The following SHLD2 variants were observed in gnomAD, a reference collection of about 807,000 sequenced individuals.
SHLD2 encodes the protein RINN1-REV7-interacting novel NHEJ regulator 2.
A neutral mutation model predicts 73.2 loss-of-function variants in SHLD2; 30 were observed. The ratio of observed to expected loss-of-function variants is 0.41; its 90% CI spans 0.31 to 0.56. SHLD2 has a LOEUF of 0.56. SHLD2 is among the 20% of genes least tolerant of loss of function. The pLI, the probability that SHLD2 is intolerant of heterozygous loss-of-function variation, is 0.28. For missense variants in SHLD2, 745 were observed against 1,055.9 expected, an observed-to-expected ratio of 0.71 and a Z score of 4.08; for synonymous variants, 285 against 370.1, an observed-to-expected ratio of 0.77 and a Z score of 2.64.
intron 8 of SHLD2, among the ~76,000 whole-genome samples, chr10:87,184,618 C>T (rs1277437623): frequency 6.6e-6 from 1 of 152,288 alleles, no homozygotes; most frequent in South Asian, 2.1e-4. Flanking sequence ...CTTCACCCAT[C>T]AGTCGTCTCC....
intron 2 of SHLD2, among the ~76,000 whole-genome samples, chr10:87,141,115 CAAAA>C (rs879420790): frequency 7.1e-6 from 1 of 140,300 alleles, no homozygotes; most frequent in Non-Finnish European, 1.5e-5. Context: ...CCCTGTCTCT[CAAAA>C]AAAAAAATTT....
intron 2 of SHLD2, among the ~76,000 whole-genome samples, chr10:87,141,549 C>CA (rs1041064953): frequency 2.0e-5 from 3 of 152,052 alleles, no homozygotes; most frequent in Non-Finnish European, 4.4e-5. Flanking sequence ...AGGCTGGTCT[C>CA]AAACTCCTGA....
rs938136906 is a variant in SHLD2 at position 87,107,470 on chromosome 10, G to C, written c.-6+10481G>C. 2.0e-5 allele frequency among the ~76,000 whole-genome samples: 3 copies of C among 152,256 alleles called. No homozygotes were observed. In the East Asian group the frequency reaches 5.8e-4, roughly 29 times the overall value. On this transcript the variant is annotated intron_variant, in intron 2 of 9. Coordinates refer to ENST00000298786, the MANE Select transcript of SHLD2 (RefSeq NM_001330112.2). ...TGGTGCTGTGCTATGGGATAATGGG[G>C]AATACCTACTTTATATAGGGTGTTC...
At chr10:87,159,890 A>G (rs1846686330) in intron 4 of SHLD2, among the ~76,000 whole-genome samples, 1 of 152,238 alleles carries the variant, frequency 6.6e-6, no homozygotes. Flanking sequence ...ATGTCATATA[A>G]GAACTGGAAA....
chr10:87,190,715 G>A lies in SHLD2; in HGVS notation c.*32G>A. ...AGGAAGAAATTGCAGGCATTTCAAG[G>A]AAGAAGTACTGAAATGATTTGTCTT... is the stretch of plus-strand genomic sequence containing the variant. On this transcript the variant is annotated 3_prime_UTR_variant, in exon 10 of 10. Coordinates refer to ENST00000298786, the MANE Select transcript of SHLD2 (RefSeq NM_001330112.2). 1 of 1,528,358 alleles carries A rather than the reference G, an allele frequency of 6.5e-7. No homozygotes were observed. The highest frequency in any genetic ancestry group is 2.2e-5 in the East Asian group (1 of 44,504). The allele number at this position is 1,528,358 out of a possible 1,614,324, so 94.7% of individuals were successfully genotyped here.
At chr10:87,135,667 T>A (rs1311160169) in intron 2 of SHLD2, among the ~76,000 whole-genome samples, 2 of 151,010 alleles carry the variant, frequency 1.3e-5, no homozygotes, top group African/African-American at 4.9e-5. Flanking sequence ...CTAATTTTTT[T>A]TTTTTTTTTT....
intron 2 of SHLD2, among the ~76,000 whole-genome samples, chr10:87,139,751 G>A (rs1320051125): frequency 1.3e-5 from 2 of 152,116 alleles, no homozygotes; most frequent in Admixed American, 6.5e-5. Context: ...CTTGAACCTG[G>A]GAGGCAGAGG....
intron 3 of SHLD2, among the ~76,000 whole-genome samples, chr10:87,155,718 A>G (rs1846369999): frequency 6.6e-6 from 1 of 151,776 alleles, no homozygotes; most frequent in Non-Finnish European, 1.5e-5. Flanking sequence ...TGTAAACTCA[A>G]CTCTGCAATC....
intron 2 of SHLD2, chr10:87,114,521 T>C (rs1438559529): frequency 6.6e-6 from 1 of 152,094 alleles, no homozygotes; most frequent in African/African-American, 2.4e-5. Context: ...GGTTAGGAGT[T>C]CGAGACCAGC....
At chr10:87,115,889 A>T (rs1843225221) in intron 2 of SHLD2, among the ~76,000 whole-genome samples, 1 of 152,112 alleles carries the variant, frequency 6.6e-6, no homozygotes, top group South Asian at 2.1e-4. Context: ...AGGTGGAAGG[A>T]GGAGTAGGAA....
At chr10:87,189,957 A>T (rs991610097) in intron 9 of SHLD2, among the ~76,000 whole-genome samples, 2 of 152,192 alleles carry the variant, frequency 1.3e-5, no homozygotes, top group African/African-American at 2.4e-5. Flanking sequence ...ACGGTGTGTT[A>T]TCTGGGCCTG....
chr10:87,142,705 T>G (rs1016552211), intron 2 of SHLD2, among the ~76,000 whole-genome samples: 1 of 152,044 alleles, frequency 6.6e-6, no homozygotes, highest in Admixed American at 6.6e-5. Flanking sequence ...GAGTTGTTAT[T>G]TGCTGAGTAT....
chr10:87,138,682 A>C, intron 2 of SHLD2, among the ~76,000 whole-genome samples: 1 of 152,268 alleles, frequency 6.6e-6, no homozygotes, highest in East Asian at 1.9e-4. Flanking sequence ...AACAAGCACT[A>C]AAAACACAAA....
At chr10:87,128,706 G>A (rs1254052260) in intron 2 of SHLD2, among the ~76,000 whole-genome samples, 4 of 152,170 alleles carry the variant, frequency 2.6e-5, no homozygotes, top group African/African-American at 9.6e-5. Context: ...CATTCTGGAA[G>A]CTTATCTATT....
chr10:87,190,507 G>A lies in SHLD2; in HGVS notation c.2539G>A (p.Gly847Arg), dbSNP rs1207176723. The A allele has an allele frequency of 3.1e-6, 5 of 1,611,864 alleles. No individual in the cohort carries two copies. Among genetic ancestry groups the A allele is most frequent in the African/African-American group, 1.3e-5 (1 of 74,854 alleles). The change falls in exon 10 of 10, where the codon GGG becomes AGG. Residue 847 changes from glycine (G) to arginine (R), a missense_variant. Transcript: ENST00000298786. ...VIVPSSEITY[G>R]MVVADLFHSL... ...AGTTCCTTCCTCAGAGATCACCTAT[G>A]GGATGGTCGTGGCAGACCTGTTCCA...
chr10:87,126,821 C>T (rs560836933), intron 2 of SHLD2, among the ~76,000 whole-genome samples: 2 of 152,290 alleles, frequency 1.3e-5, no homozygotes, highest in South Asian at 4.1e-4. Context: ...TAATGTATTT[C>T]TCCATTGAAA....
At chr10:87,140,290 T>C (rs1285116468) in intron 2 of SHLD2, among the ~76,000 whole-genome samples, 2 of 151,486 alleles carry the variant, frequency 1.3e-5, no homozygotes, top group East Asian at 1.9e-4. Flanking sequence ...CTTGGTGGCA[T>C]GCGACTGTAA....
At chr10:87,190,359 G>A (rs1230514654) in intron 9 of SHLD2, 125 bp from the exon 10 acceptor site, 13 of 852,120 alleles carry the variant, frequency 1.5e-5, no homozygotes, top group Admixed American at 1.9e-5. Flanking sequence ...GCTACTGGAC[G>A]GGAGGAGAAA....
chr10:87,122,173 C>CAAAAAAAAAAAA lies in SHLD2; in HGVS notation c.-6+25194_-6+25205dup, dbSNP rs10706744. On this transcript the variant is annotated intron_variant, in intron 2 of 9. Coordinates refer to ENST00000298786, the MANE Select transcript of SHLD2 (RefSeq NM_001330112.2). ...CATGTTGTCTTTCTCCACTGACTGT[C>CAAAAAAAAAAAA]AAAAAAAAAAAAAAAAAAAAAGGCT... Among the ~76,000 whole-genome samples the CAAAAAAAAAAAA allele has an allele frequency of 1.5e-4, 13 of 86,420 alleles. 1 individual carries two copies. The highest frequency in any genetic ancestry group is 6.1e-4 in the African/African-American group (13 of 21,372). The allele number at this position is 86,420 out of a possible 152,430, so 56.7% of individuals were successfully genotyped here.
Sources: gnomAD v4.1 joint callset for allele counts (sites outside exome capture counted in the v4.1 genomes callset) on GRCh38, gnomAD v4.1.1 for gene constraint, MANE v1.5 for transcripts, NCBI Gene and HGNC (gene_info 2026-07-23, HGNC 2026-07-21) for gene names.